ZC3H7A: variants seen among roughly 807,000 people sequenced by gnomAD.
ZC3H7A encodes the protein zinc finger CCCH-type containing 7A, also known as zinc finger CCCH domain-containing protein 7A.
In ZC3H7A, 44 loss-of-function variants were observed where a neutral mutation model predicts 125.5. The observed-to-expected ratio is 0.35, with a 90% CI of 0.28 to 0.45. The LOEUF (loss-of-function observed/expected upper bound fraction) is 0.45, where lower values mean the gene tolerates loss of function less well. ZC3H7A is among the 20% of genes least tolerant of loss of function. The probability of loss-of-function intolerance (pLI) is 1.00; values close to 1 mark genes in which losing one functional copy is unlikely to be tolerated. For missense variants in ZC3H7A, 977 were observed against 1,170.7 expected, an observed-to-expected ratio of 0.83 and a Z score of 2.41; for synonymous variants, 399 against 391.2, an observed-to-expected ratio of 1.02 and a Z score of -0.23.
At position 11,793,541 on chromosome 16, in the gene ZC3H7A, G is replaced by A. The variant is rs201999120; in HGVS notation, c.-35+3583C>T. The stretch of plus-strand genomic sequence containing the variant: ...GAGCAAGATCCTGTCTCAAAAAAAA[G>A]GGGGTGGGGGGGAGGAAAAATGATA... On this transcript the variant is annotated intron_variant, in intron 1 of 22. Coordinates refer to ENST00000355758, the MANE Select transcript of ZC3H7A (RefSeq NM_014153.4). Among the ~76,000 whole-genome samples, 11 of 129,736 alleles carry A rather than the reference G, an allele frequency of 8.5e-5. No individual in the cohort carries two copies. In the Admixed American group the frequency reaches 8.7e-4, roughly 10 times the overall value. 85.1% of individuals were successfully genotyped at this position (129,736 alleles called of 152,430 possible).
intron 1 of ZC3H7A, among the ~76,000 whole-genome samples, chr16:11,790,460 T>C (rs1193479575): frequency 1.3e-5 from 2 of 152,208 alleles, no homozygotes; most frequent in Admixed American, 1.3e-4. Flanking sequence ...TCCTTTCTGA[T>C]GTTATTGGTA....
chr16:11,790,643 G>A (rs112874986), intron 1 of ZC3H7A, among the ~76,000 whole-genome samples: 30,237 of 151,734 alleles, frequency 0.2, 3,820 homozygotes, highest in East Asian at 0.48. Flanking sequence ...AGGTTCAAGC[G>A]ATTCTTCTGC....
At chr16:11,788,338 C>A (rs911030529) in intron 1 of ZC3H7A, among the ~76,000 whole-genome samples, 2 of 152,174 alleles carry the variant, frequency 1.3e-5, no homozygotes, top group Non-Finnish European at 2.9e-5. Flanking sequence ...GGTCCTCCCT[C>A]CATCAGATGT....
Position 11,765,719 on chromosome 16 carries a change from C to A in ZC3H7A, c.1523-34G>T. On this transcript the variant is annotated intron_variant, in intron 13 of 22. Transcript: ENST00000355758. This position sits in a 1 kb window ranked among gnomAD's most constrained non-coding sequence, Gnocchi z 4.8. ...ACAGGGAATGGACAGACATTGAAAACATGGCAATTGGCCTGTACTCCCAGC... is the reference window on the plus strand; with the variant it reads ...ACAGGGAATGGACAGACATTGAAAAAATGGCAATTGGCCTGTACTCCCAGC... 6.3e-7 allele frequency: 1 copy of A among 1,593,432 alleles called. No homozygotes were observed. The highest frequency in any genetic ancestry group is 1.3e-5 in the African/African-American group (1 of 74,454).
At chr16:11,773,528 G>A (rs1451082201) in intron 9 of ZC3H7A, among the ~76,000 whole-genome samples, 1 of 151,870 alleles carries the variant, frequency 6.6e-6, no homozygotes, top group African/African-American at 2.4e-5. Flanking sequence ...TAGCCTGTGG[G>A]CTACAGTTGG....
At chr16:11,780,055 A>G (rs1238045787) in intron 3 of ZC3H7A, among the ~76,000 whole-genome samples, 1 of 151,508 alleles carries the variant, frequency 6.6e-6, no homozygotes, top group Non-Finnish European at 1.5e-5. Context: ...ACATTCTTTT[A>G]GCATGTATAA....
At chr16:11,787,145 C>A (rs201401889) in intron 1 of ZC3H7A, among the ~76,000 whole-genome samples, 1 of 105,178 alleles carries the variant, frequency 9.5e-6, no homozygotes, top group African/African-American at 2.8e-5. Flanking sequence ...CCCATCTCTA[C>A]AAAAAATTAA....
At chr16:11,761,781 T>C in intron 18 of ZC3H7A, 129 bp downstream of exon 18, 8 of 1,313,458 alleles carry the variant, frequency 6.1e-6, no homozygotes, top group Non-Finnish European at 8.3e-6. Flanking sequence ...CTTGTGTCTG[T>C]AATTATCCTA....
At chr16:11,758,950 G>T (rs55744401) in intron 19 of ZC3H7A, 34,131 of 180,418 alleles carry the variant, frequency 0.19, 3,744 homozygotes, top group East Asian at 0.44. Flanking sequence ...ACTCCAAAGG[G>T]TACTGAACAG....
Position 11,758,414 on chromosome 16 carries a change from C to A in ZC3H7A, c.2428+17G>T, listed in dbSNP as rs780545734. 44 of 1,583,640 alleles carry A rather than the reference C, an allele frequency of 2.8e-5. 1 individual carries two copies. Among genetic ancestry groups the A allele is most frequent in the South Asian group, 1.4e-4 (13 of 90,436 alleles). ...CAGGCAAGCTAGCTCAAGGACACAG[C>A]TAAAAGATTAACTTACTCCCATTCT... On this transcript the variant is annotated intron_variant, in intron 20 of 22. Transcript: ENST00000355758.
At position 11,797,210 on chromosome 16, in the gene ZC3H7A, G is replaced by C; in HGVS notation, c.-121C>G. The C allele has an allele frequency of 6.6e-6, 1 of 152,514 alleles. No individual in the cohort carries two copies. The highest frequency in any genetic ancestry group is 1.4e-5 in the Non-Finnish European group (1 of 69,354). The allele number at this position is 152,514 out of a possible 1,614,324, so 9.4% of individuals were successfully genotyped here. ...GCAGCGGTGGCGGCGGCGGCGGCGG[G>C]GCCTGGGTGCTCGCTCGCAGCTCTC... On this transcript the variant is annotated 5_prime_UTR_variant, in exon 1 of 23. Coordinates refer to ENST00000355758, the MANE Select transcript of ZC3H7A (RefSeq NM_014153.4).
chr16:11,773,334 A>G (rs1485003556), intron 9 of ZC3H7A, among the ~76,000 whole-genome samples: 1 of 151,924 alleles, frequency 6.6e-6, no homozygotes, highest in East Asian at 1.9e-4. Context: ...ACGCACCACT[A>G]TGCCAGGCTG....
At chr16:11,756,551 A>G (rs551434672) in intron 20 of ZC3H7A, among the ~76,000 whole-genome samples, 181 bp from the exon 21 acceptor site, 2 of 152,368 alleles carry the variant, frequency 1.3e-5, no homozygotes, top group African/African-American at 2.4e-5. Context: ...ACTCTCACGC[A>G]TAAGAACTAC....
chr16:11,760,427 CCA>C (rs1466038825), intron 19 of ZC3H7A, among the ~76,000 whole-genome samples: 6 of 152,188 alleles, frequency 3.9e-5, no homozygotes, highest in African/African-American at 1.4e-4. Flanking sequence ...GAGTCTAAAA[CCA>C]CTTTGGATAA....
chr16:11,792,546 A>G (rs970471105), intron 1 of ZC3H7A, among the ~76,000 whole-genome samples: 4 of 152,278 alleles, frequency 2.6e-5, no homozygotes, highest in African/African-American at 7.2e-5. Context: ...GGTAAGGGAA[A>G]TGTGACTGCA....
chr16:11,757,810 A>G, intron 20 of ZC3H7A, among the ~76,000 whole-genome samples: 1 of 152,212 alleles, frequency 6.6e-6, no homozygotes, highest in African/African-American at 2.4e-5. Context: ...GGCAGGCAAC[A>G]GTCAAATCTG....
chr16:11,765,829 C>G lies in ZC3H7A; in HGVS notation c.1523-144G>C, dbSNP rs2052847415. 2 of 587,720 alleles carry G rather than the reference C, an allele frequency of 3.4e-6. No homozygotes were observed. The highest frequency in any genetic ancestry group is 5.5e-6 in the Non-Finnish European group (2 of 364,970). The allele number at this position is 587,720 out of a possible 1,614,324, so 36.4% of individuals were successfully genotyped here. A position where few individuals can be genotyped will look rare whatever the true frequency, so the allele number is the denominator to read the frequency against. On this transcript the variant is annotated intron_variant, in intron 13 of 22. Coordinates refer to ENST00000355758, the MANE Select transcript of ZC3H7A (RefSeq NM_014153.4). This position sits in a 1 kb window ranked among gnomAD's most constrained non-coding sequence, Gnocchi z 4.8. Reference sequence around the variant, plus strand: ...CAATGATCTTGCCACTGCACTCCAGCCTGGGCAACAGAGCAAGTCCCAGTG... The same window carrying G: ...CAATGATCTTGCCACTGCACTCCAGGCTGGGCAACAGAGCAAGTCCCAGTG...
At chr16:11,775,041 T>C (rs770745593) in intron 7 of ZC3H7A, 28 bp from the exon 8 acceptor site, 2 of 1,613,120 alleles carry the variant, frequency 1.2e-6, no homozygotes, top group Admixed American at 1.7e-5. Flanking sequence ...CAATGGGTTA[T>C]AATATTTTCA....
chr16:11,772,366 A>T (rs1248957701), intron 9 of ZC3H7A, among the ~76,000 whole-genome samples: 1 of 151,642 alleles, frequency 6.6e-6, no homozygotes, highest in African/African-American at 2.4e-5. Context: ...TAACTTCCCC[A>T]GGCCCCATCA....
Sources: allele counts gnomAD v4.1 joint callset (sites outside exome capture counted in the v4.1 genomes callset), GRCh38; gene constraint gnomAD v4.1.1; non-coding constraint Gnocchi (gnomAD v3.1); transcripts MANE v1.5; gene names NCBI Gene and HGNC (gene_info 2026-07-23, HGNC 2026-07-21).